QTMAN: variants seen among roughly 807,000 people sequenced by gnomAD.
QTMAN encodes tRNA-queuosine alpha-mannosyltransferase.
chr2:144,164,517 T>C, the QTMAN span, among the ~76,000 whole-genome samples: 3 of 152,238 alleles, frequency 2.0e-5, no homozygotes, highest in Non-Finnish European at 2.9e-5. Context: ...ACTCTTACTA[T>C]TCTTGTTTTC....
the QTMAN span, among the ~76,000 whole-genome samples, chr2:144,002,993 A>C: frequency 6.6e-6 from 1 of 151,988 alleles, no homozygotes. Flanking sequence ...TAGATTTTTT[A>C]AAATGTAATG....
At chr2:143,996,934 G>T in the QTMAN span, among the ~76,000 whole-genome samples, 1 of 152,110 alleles carries the variant, frequency 6.6e-6, no homozygotes, top group South Asian at 2.1e-4. Context: ...TATATAGCAT[G>T]TAGGTGGAGG....
At chr2:144,262,308 C>A in the QTMAN span, among the ~76,000 whole-genome samples, 1 of 152,044 alleles carries the variant, frequency 6.6e-6, no homozygotes, top group African/African-American at 2.4e-5. Flanking sequence ...GCTGTTCTTA[C>A]CGGCTTTGGT....
At chr2:144,167,757 C>T in the QTMAN span, among the ~76,000 whole-genome samples, 65 of 152,124 alleles carry the variant, frequency 4.3e-4, no homozygotes, top group African/African-American at 1.5e-3. Flanking sequence ...TCTAAATTAC[C>T]CAGCCTTCGG....
chr2:144,326,710 T>G, the QTMAN span, among the ~76,000 whole-genome samples: 1 of 152,108 alleles, frequency 6.6e-6, no homozygotes, highest in African/African-American at 2.4e-5. Context: ...ATAACAGAAC[T>G]TATTGTTGGG....
chr2:143,982,454 A>T, the QTMAN span, among the ~76,000 whole-genome samples: 1 of 150,694 alleles, frequency 6.6e-6, no homozygotes, highest in Admixed American at 6.6e-5. Context: ...CTGGTTTCGA[A>T]CTCCTGACCA....
chr2:144,136,783 C>G, the QTMAN span, among the ~76,000 whole-genome samples: 1 of 152,146 alleles, frequency 6.6e-6, no homozygotes, highest in African/African-American at 2.4e-5. Flanking sequence ...ACTTTTCAAT[C>G]TAATCTATAT....
the QTMAN span, among the ~76,000 whole-genome samples, chr2:144,127,122 T>TAA: frequency 6.6e-6 from 1 of 151,830 alleles, no homozygotes; most frequent in Non-Finnish European, 1.5e-5. Context: ...TCAGGACATA[T>TAA]AAAAGAAATA....
At chr2:144,145,319 T>C in the QTMAN span, among the ~76,000 whole-genome samples, 2 of 151,890 alleles carry the variant, frequency 1.3e-5, no homozygotes, top group East Asian at 1.9e-4. Flanking sequence ...ACCTTTTAAT[T>C]CTATTTTGAA....
the QTMAN span, among the ~76,000 whole-genome samples, chr2:144,062,357 T>C: frequency 1.3e-5 from 2 of 152,202 alleles, no homozygotes; most frequent in Non-Finnish European, 2.9e-5. Context: ...CTCACTGCCA[T>C]TGGACAGATG....
the QTMAN span, among the ~76,000 whole-genome samples, chr2:143,983,791 T>A: frequency 6.6e-6 from 1 of 152,210 alleles, no homozygotes; most frequent in African/African-American, 2.4e-5. Context: ...AATGTTTACC[T>A]TGAATTATAC....
At chr2:144,307,188 T>TAAAAAAAAAAAAAAAAAAAAAAA in the QTMAN span, among the ~76,000 whole-genome samples, 1 of 81,264 alleles carries the variant, frequency 1.2e-5, no homozygotes. Flanking sequence ...AAAAAACAAT[T>TAAAAAAAAAAAAAAAAAAAAAAA]AAAAAAAAAA....
At chr2:143,975,953 T>C in the QTMAN span, among the ~76,000 whole-genome samples, 1 of 152,202 alleles carries the variant, frequency 6.6e-6, no homozygotes, top group Admixed American at 6.5e-5. Flanking sequence ...AGCTCCTCTA[T>C]AAATATTTGT....
chr2:144,281,434 AT>A, the QTMAN span, among the ~76,000 whole-genome samples: 2 of 150,718 alleles, frequency 1.3e-5, no homozygotes, highest in African/African-American at 2.4e-5. Context: ...AATAACCTAA[AT>A]GTCCAGCAAC....
At chr2:144,003,712 C>T in the QTMAN span, among the ~76,000 whole-genome samples, 1 of 152,052 alleles carries the variant, frequency 6.6e-6, no homozygotes, top group Non-Finnish European at 1.5e-5. Flanking sequence ...TTCTCATGCA[C>T]AGACATTTTA....
chr2:144,260,882 T>G, the QTMAN span, among the ~76,000 whole-genome samples: 102 of 151,538 alleles, frequency 6.7e-4, no homozygotes, highest in African/African-American at 2.3e-3. Context: ...GATATAAGAT[T>G]TAAAAAAAAA....
the QTMAN span, among the ~76,000 whole-genome samples, chr2:144,193,517 T>G: frequency 6.6e-6 from 1 of 150,636 alleles, no homozygotes; most frequent in African/African-American, 2.4e-5. Context: ...TGTGTGTGTG[T>G]GTGTGTATGT....
the QTMAN span, among the ~76,000 whole-genome samples, chr2:144,079,778 A>T: frequency 1.3e-5 from 2 of 152,134 alleles, no homozygotes; most frequent in Non-Finnish European, 2.9e-5. Flanking sequence ...TTGAAAAATA[A>T]AACTATGGTC....
At chr2:144,220,561 A>C in the QTMAN span, among the ~76,000 whole-genome samples, 1 of 152,334 alleles carries the variant, frequency 6.6e-6, no homozygotes, top group South Asian at 2.1e-4. Flanking sequence ...TATTCCTTAC[A>C]AACTACCCAA....
Sources: gnomAD v4.1 joint callset for allele counts (sites outside exome capture counted in the v4.1 genomes callset) on GRCh38, gnomAD v4.1.1 for gene constraint, MANE v1.5 for transcripts, NCBI Gene and HGNC (gene_info 2026-07-23, HGNC 2026-07-21) for gene names.